Variants in DNM3 observed in about 807,000 individuals in gnomAD.
The protein encoded by DNM3 is dynamin-3.
In DNM3, 47 loss-of-function variants were observed where a neutral mutation model predicts 101.6. The observed-to-expected ratio is 0.46, with a 90% confidence interval of 0.37 to 0.59. The LOEUF (loss-of-function observed/expected upper bound fraction) is 0.59, where lower values mean the gene tolerates loss of function less well. Among genes scored for constraint, DNM3 ranks in the 20% least tolerant of loss-of-function variants. The pLI is 0.00. For missense variants in DNM3, 849 were observed against 1,085.7 expected (o/e 0.78, Z 3.06); for synonymous variants, 385 against 387.9 (o/e 0.99, Z 0.09).
intron 14 of DNM3, among the ~76,000 whole-genome samples, chr1:172,217,987 G>A (rs762782632): frequency 6.6e-6 from 1 of 152,096 alleles, no homozygotes; most frequent in African/African-American, 2.4e-5. Context: ...AATGAGGTAG[G>A]AAAAATTTCT....
At position 172,078,372 on chromosome 1, in the gene DNM3, A is replaced by C. The variant is rs112282874; in HGVS notation, c.1423-3460A>C. Among the ~76,000 whole-genome samples the C allele has an allele frequency of 6.8e-4, 103 of 151,876 alleles. 1 individual carries two copies. The highest frequency in any genetic ancestry group is 2.2e-3 in the African/African-American group (90 of 41,378). ...CTCCCAAAGTGCTGGGATTACAGGC[A>C]TGAGCCACTGCACCTGGCTGGGTCT... is the stretch of plus-strand genomic sequence containing the variant. On this transcript the variant is annotated intron_variant, in intron 11 of 20. Transcript: ENST00000627582.
At chr1:172,295,649 A>G (rs1391407664) in intron 15 of DNM3, among the ~76,000 whole-genome samples, 1 of 152,180 alleles carries the variant, frequency 6.6e-6, no homozygotes, top group African/African-American at 2.4e-5. Flanking sequence ...CTTATTTGTT[A>G]ACAAAACAAA....
At chr1:172,077,776 G>A (rs2052785764) in intron 11 of DNM3, among the ~76,000 whole-genome samples, 1 of 152,200 alleles carries the variant, frequency 6.6e-6, no homozygotes, top group Non-Finnish European at 1.5e-5. Context: ...TGTGTATTCT[G>A]TTGATTTGGG....
intron 15 of DNM3, among the ~76,000 whole-genome samples, chr1:172,259,628 A>G (rs1016433313): frequency 6.6e-6 from 1 of 152,046 alleles, no homozygotes; most frequent in Non-Finnish European, 1.5e-5. Context: ...TTCAGTTTAT[A>G]TATGTCTTTA....
At chr1:172,149,461 G>C (rs1372048210) in intron 14 of DNM3, among the ~76,000 whole-genome samples, 1 of 152,106 alleles carries the variant, frequency 6.6e-6, no homozygotes, top group Non-Finnish European at 1.5e-5. Flanking sequence ...TTAGGGGAAG[G>C]CAAGTTAAAG....
At chr1:172,186,408 G>T (rs2059527206) in intron 14 of DNM3, among the ~76,000 whole-genome samples, 1 of 151,402 alleles carries the variant, frequency 6.6e-6, no homozygotes, top group African/African-American at 2.4e-5. Context: ...TTGTAATGAT[G>T]AAATGCAGTT....
chr1:171,972,851 A>AAAAC (rs375214178), intron 2 of DNM3, among the ~76,000 whole-genome samples: 118,174 of 151,270 alleles, frequency 0.78, 46,250 homozygotes, highest in Middle Eastern at 0.86. Flanking sequence ...CTCCATCTCA[A>AAAAC]AAACAAACAA....
At chr1:171,898,728 T>G (rs1033296970) in intron 1 of DNM3, among the ~76,000 whole-genome samples, 1 of 150,240 alleles carries the variant, frequency 6.7e-6, no homozygotes, top group African/African-American at 2.4e-5. Context: ...AGAAATCATA[T>G]TGTACATTTG....
At chr1:172,061,197 A>G (rs2051161814) in intron 10 of DNM3, among the ~76,000 whole-genome samples, 1 of 151,150 alleles carries the variant, frequency 6.6e-6, no homozygotes. Flanking sequence ...GTCAGGAAAC[A>G]ACAGGTGCTG....
intron 1 of DNM3, among the ~76,000 whole-genome samples, chr1:171,880,364 A>T (rs1201898452): frequency 2.0e-5 from 3 of 152,170 alleles, no homozygotes; most frequent in East Asian, 1.9e-4. Context: ...AGGTATCTCT[A>T]TGTATTTGTA....
chr1:172,256,378 T>G (rs1022193542), intron 15 of DNM3, among the ~76,000 whole-genome samples: 2 of 152,050 alleles, frequency 1.3e-5, no homozygotes, highest in African/African-American at 2.4e-5. Context: ...ATTGAATATA[T>G]TTAATGATTT....
At chr1:172,219,490 C>T (rs967342636) in intron 14 of DNM3, among the ~76,000 whole-genome samples, 1 of 150,798 alleles carries the variant, frequency 6.6e-6, no homozygotes, top group African/African-American at 2.4e-5. Flanking sequence ...ATTTTTATAG[C>T]ATTATATACA....
chr1:172,403,718 C>T (rs868458403), intron 20 of DNM3, among the ~76,000 whole-genome samples: 34 of 152,236 alleles, frequency 2.2e-4, no homozygotes, highest in African/African-American at 7.7e-4. Context: ...TCTATGTAAC[C>T]ATAAACCGCC....
At chr1:172,230,513 G>A (rs1428311070) in intron 14 of DNM3, among the ~76,000 whole-genome samples, 1 of 152,058 alleles carries the variant, frequency 6.6e-6, no homozygotes, top group Non-Finnish European at 1.5e-5. Flanking sequence ...ACTACTTCAT[G>A]CCCAATATAG....
intron 14 of DNM3, among the ~76,000 whole-genome samples, chr1:172,240,449 T>C (rs1246031483): frequency 1.3e-5 from 2 of 152,176 alleles, no homozygotes; most frequent in Admixed American, 6.6e-5. Flanking sequence ...AGGATTTTAT[T>C]TGTACAGTGA....
chr1:172,210,310 C>T (rs2060467685), intron 14 of DNM3, among the ~76,000 whole-genome samples: 1 of 122,264 alleles, frequency 8.2e-6, no homozygotes, highest in African/African-American at 3.3e-5. Flanking sequence ...AGTAAGAGAG[C>T]GTGCTTTTTT....
At chr1:172,029,490 C>T (rs536299476) in intron 4 of DNM3, among the ~76,000 whole-genome samples, 2 of 152,168 alleles carry the variant, frequency 1.3e-5, no homozygotes, top group East Asian at 1.9e-4. Context: ...CTTTGAAAAC[C>T]GGTACAAAAC....
chr1:172,257,983 C>T (rs1009021659), intron 15 of DNM3, among the ~76,000 whole-genome samples: 1 of 151,816 alleles, frequency 6.6e-6, no homozygotes, highest in Non-Finnish European at 1.5e-5. Flanking sequence ...CTACTAACTA[C>T]CTCCGTGAGA....
At chr1:172,328,939 C>T (rs1466995732) in intron 17 of DNM3, among the ~76,000 whole-genome samples, 1 of 152,144 alleles carries the variant, frequency 6.6e-6, no homozygotes, top group East Asian at 1.9e-4. Context: ...CTCAGCCTCC[C>T]AAAGTCCTGG....
Sources: gnomAD v4.1 joint callset for allele counts (sites outside exome capture counted in the v4.1 genomes callset) on GRCh38, gnomAD v4.1.1 for gene constraint, MANE v1.5 for transcripts, NCBI Gene and HGNC (gene_info 2026-07-23, HGNC 2026-07-21) for gene names.